FMN2: variants seen among roughly 807,000 people sequenced by gnomAD.
The protein encoded by FMN2 is formin 2, also known as formin-2.
FMN2 carries 51 observed loss-of-function variants against 142.3 expected under a neutral mutation model. That is an observed-to-expected ratio of 0.36 (90% CI 0.29 to 0.45). FMN2 has a LOEUF of 0.45. FMN2 is among the 20% of genes least tolerant of loss of function. The pLI, the probability that FMN2 is intolerant of heterozygous loss-of-function variation, is 1.00. For synonymous variants in FMN2, 882 were observed against 869.8 expected (o/e 1.01, Z -0.25); for missense variants, 1,936 against 2,122.8 (o/e 0.91, Z 1.73).
At chr1:240,286,284 C>A (rs191690989) in intron 7 of FMN2, among the ~76,000 whole-genome samples, 1 of 152,108 alleles carries the variant, frequency 6.6e-6, no homozygotes, top group Admixed American at 6.6e-5. Flanking sequence ...AGCATAGCAA[C>A]CTATCCTACA....
chr1:240,263,385 T>C (rs1297275603), intron 7 of FMN2, among the ~76,000 whole-genome samples: 1 of 152,126 alleles, frequency 6.6e-6, no homozygotes, highest in East Asian at 1.9e-4. Flanking sequence ...CCCAGTACTG[T>C]TTAGGTCCTA....
chr1:240,125,556 C>A (rs1337058667), intron 2 of FMN2, among the ~76,000 whole-genome samples: 1 of 152,164 alleles, frequency 6.6e-6, no homozygotes, highest in East Asian at 1.9e-4. Context: ...TAGTATAGTG[C>A]AGGCAAAGGC....
rs567299055 is a variant in FMN2, at chr1:240,310,311, T to TA, written c.4215+15430dup. Among the ~76,000 whole-genome samples the TA allele has an allele frequency of 2.8e-3, 433 of 152,338 alleles. 2 individuals are homozygous for TA. Among genetic ancestry groups the TA allele is most frequent in the South Asian group, 0.017 (83 of 4,828 alleles). On this transcript the variant is annotated intron_variant, in intron 8 of 17. Coordinates refer to ENST00000319653, the MANE Select transcript of FMN2 (RefSeq NM_020066.5). ...TAAATGTCATTGGTCTGTTTTAAAG[T>TA]AATTCTATTTGATCTCTGTGAAACA... is the stretch of plus-strand genomic sequence containing the variant.
At chr1:240,350,091 G>A (rs4659965) in intron 13 of FMN2, among the ~76,000 whole-genome samples, 150,813 of 152,304 alleles carry the variant, frequency 0.99, 74,671 homozygotes, top group Middle Eastern at 1. Flanking sequence ...TTCCTTATAT[G>A]TAAGCACATT....
At chr1:240,465,628 A>C (rs1676592614) in intron 16 of FMN2, among the ~76,000 whole-genome samples, 1 of 152,166 alleles carries the variant, frequency 6.6e-6, no homozygotes, top group Admixed American at 6.5e-5. Flanking sequence ...ATAGGCGAAC[A>C]GGGCTACTTC....
At chr1:240,437,938 G>C (rs1036674302) in intron 15 of FMN2, 123 bp from the exon 16 acceptor site, 5 of 1,239,234 alleles carry the variant, frequency 4.0e-6, no homozygotes, top group Non-Finnish European at 1.1e-6. Flanking sequence ...TGCTTGAAGA[G>C]CTTGAGTCCT....
intron 6 of FMN2, among the ~76,000 whole-genome samples, chr1:240,234,240 A>T (rs1450808968): frequency 6.6e-6 from 1 of 152,098 alleles, no homozygotes; most frequent in Non-Finnish European, 1.5e-5. Flanking sequence ...TTGCATTAAC[A>T]ACCTCCTCAG....
At chr1:240,281,755 T>G (rs1436329081) in intron 7 of FMN2, among the ~76,000 whole-genome samples, 1 of 147,714 alleles carries the variant, frequency 6.8e-6, no homozygotes, top group Non-Finnish European at 1.5e-5. Flanking sequence ...ATATCACTCA[T>G]TTTTTGGTAA....
chr1:240,456,035 C>T (rs936385273), intron 16 of FMN2, among the ~76,000 whole-genome samples: 7 of 151,782 alleles, frequency 4.6e-5, no homozygotes, highest in East Asian at 1.9e-4. Flanking sequence ...AAGGTAAGAG[C>T]GACATGTTCA....
intron 1 of FMN2, among the ~76,000 whole-genome samples, chr1:240,111,340 T>G (rs138621954): frequency 6.6e-6 from 1 of 152,110 alleles, no homozygotes; most frequent in Admixed American, 6.5e-5. Flanking sequence ...GTCCTTAGAG[T>G]AAAGTGAAAG....
rs1046918237 is a variant in FMN2 at position 240,231,259 on chromosome 1, T to C, written c.4065+20024T>C. ...TCCAAAAAATAAAACAATACAAACT[T>C]GCCAAATATAAGACCAAAACAAAGC... On this transcript the variant is annotated intron_variant, in intron 6 of 17. Coordinates refer to ENST00000319653, the MANE Select transcript of FMN2 (RefSeq NM_020066.5). 1.3e-4 allele frequency among the ~76,000 whole-genome samples: 17 copies of C among 132,402 alleles called. 2 individuals carry two copies. The highest frequency in any genetic ancestry group is 2.1e-4 in the Non-Finnish European group (13 of 63,082). 86.9% of individuals were successfully genotyped at this position (132,402 alleles called of 152,430 possible). A position where few individuals can be genotyped will look rare whatever the true frequency, so the allele number is the denominator to read the frequency against.
At chr1:240,468,108 TA>T (rs1676680086) in intron 16 of FMN2, among the ~76,000 whole-genome samples, 1 of 152,200 alleles carries the variant, frequency 6.6e-6, no homozygotes, top group South Asian at 2.1e-4. Flanking sequence ...TTAAAATTTT[TA>T]CTTCCCTTTT....
At chr1:240,285,106 TGAAGAAACA>T in intron 7 of FMN2, 3 of 370,894 alleles carry the variant, frequency 8.1e-6, no homozygotes, top group Non-Finnish European at 1.1e-5. Context: ...GTTTTTTGTT[TGAAGAAACA>T]TTTTGTTCAA....
intron 2 of FMN2, among the ~76,000 whole-genome samples, chr1:240,169,829 G>A (rs1402439500): frequency 2.6e-5 from 4 of 152,054 alleles, no homozygotes; most frequent in Non-Finnish European, 4.4e-5. Flanking sequence ...CATACTTCGA[G>A]GCAATTTTTA....
intron 15 of FMN2, among the ~76,000 whole-genome samples, chr1:240,395,989 T>A (rs1309736338): frequency 2.0e-5 from 3 of 152,202 alleles, no homozygotes; most frequent in African/African-American, 7.2e-5. Context: ...CAGATTTCAT[T>A]GTTGTCTTAT....
intron 7 of FMN2, among the ~76,000 whole-genome samples, chr1:240,288,940 C>T (rs1314280128): frequency 6.6e-6 from 1 of 152,164 alleles, no homozygotes; most frequent in African/African-American, 2.4e-5. Context: ...CCCCCGCCAA[C>T]ACTGTGATTG....
intron 2 of FMN2, among the ~76,000 whole-genome samples, chr1:240,172,945 GT>G (rs953461857): frequency 1.8e-3 from 273 of 148,550 alleles, no homozygotes; most frequent in African/African-American, 6.1e-3. Flanking sequence ...TTTGTTTTTT[GT>G]TTTTTTTTAG....
intron 2 of FMN2, among the ~76,000 whole-genome samples, chr1:240,151,627 T>C (rs576048973): frequency 6.6e-6 from 1 of 152,164 alleles, no homozygotes; most frequent in South Asian, 2.1e-4. Flanking sequence ...AGAAAATCTT[T>C]ATGATAGGCA....
At chr1:240,184,973 C>CTTCCCCTTCTCTTTCTCCCTCCTATAA in intron 3 of FMN2, among the ~76,000 whole-genome samples, 1 of 133,598 alleles carries the variant, frequency 7.5e-6, no homozygotes, top group African/African-American at 2.8e-5. Flanking sequence ...CCCTCCTATA[C>CTTCCCCTTCTCTTTCTCCCTCCTATAA]CTTCCCCTTC....
Sources: gnomAD v4.1 joint callset for allele counts (sites outside exome capture counted in the v4.1 genomes callset) on GRCh38, gnomAD v4.1.1 for gene constraint, MANE v1.5 for transcripts, NCBI Gene and HGNC (gene_info 2026-07-23, HGNC 2026-07-21) for gene names.